DUS2: variants seen among roughly 807,000 people sequenced by gnomAD.
DUS2 encodes the protein dihydrouridine synthase 2, also known as tRNA-dihydrouridine(20) synthase [NAD(P)+]-like.
In DUS2, 52 loss-of-function variants were observed where a neutral mutation model predicts 71.3. The ratio of observed to expected loss-of-function variants is 0.73; its 90% CI spans 0.58 to 0.92. The LOEUF (loss-of-function observed/expected upper bound fraction) is 0.92, where lower values mean the gene tolerates loss of function less well. Ranked by LOEUF, DUS2 falls within the 40% of genes least tolerant of loss-of-function variation. The pLI is 0.00. For missense variants in DUS2, 558 were observed against 622.6 expected, an observed-to-expected ratio of 0.90 and a Z score of 1.10; for synonymous variants, 204 against 227.8, an observed-to-expected ratio of 0.90 and a Z score of 0.94.
chr16:68,070,214 T>C lies in DUS2; in HGVS notation c.635T>C (p.Ile212Thr), dbSNP rs1412520320. 6.2e-7 allele frequency: 1 copy of C among 1,614,004 alleles called. No homozygotes were observed. The highest frequency in any genetic ancestry group is 1.7e-5 in the Admixed American group (1 of 60,028). ...GCTGATACCCTCTCCATTCCTGTCA[T>C]AGCCAAGTAAGCCTCCTGTCTTCAT... is the stretch of plus-strand genomic sequence containing the variant. ...AIADTLSIPV[I>T]ANGGSHDHIQ... Residue 212 changes from isoleucine (I) to threonine (T), a missense_variant, in exon 11 of 17, where the codon ATA (isoleucine) becomes ACA (threonine). Transcript: ENST00000565263.
chr16:68,076,609 A>C (rs74024128), intron 14 of DUS2, 23 bp from the exon 15 acceptor site: 4 of 1,596,716 alleles, frequency 2.5e-6, no homozygotes, highest in Non-Finnish European at 3.4e-6. Context: ...GGTGACCCCA[A>C]CTGCTTCCCT....
At chr16:68,052,275 A>G (rs1430674552) in intron 4 of DUS2, among the ~76,000 whole-genome samples, 2 of 152,158 alleles carry the variant, frequency 1.3e-5, no homozygotes, top group Non-Finnish European at 2.9e-5. Context: ...GGCATGAAAT[A>G]TACCACAAAA....
rs1352757510 is a variant in DUS2, at chr16:68,035,905, TATATATATATATATATATATATATAC to T, written c.-18-2099_-18-2074del. Among the ~76,000 whole-genome samples, 67 of 54,802 alleles carry T rather than the reference TATATATATATATATATATATATATAC, an allele frequency of 1.2e-3. 1 individual carries two copies. Among genetic ancestry groups the T allele is most frequent in the African/African-American group, 2.0e-3 (46 of 22,484 alleles). The allele number at this position is 54,802 out of a possible 152,430, so 36.0% of individuals were successfully genotyped here. On this transcript the variant is annotated intron_variant, in intron 2 of 16. Coordinates refer to ENST00000565263, the MANE Select transcript of DUS2 (RefSeq NM_017803.5). Reference sequence around the variant, plus strand: ...AATTTTATATATATATATATATATATATATATATATATATATATATATATACACACATACATACACATATATATACA... The same window carrying T: ...AATTTTATATATATATATATATATATACACATACATACACATATATATACA...
At position 68,053,272 on chromosome 16, in the gene DUS2, T is replaced by A. The variant is rs534896697; in HGVS notation, c.173-292T>A. Among the ~76,000 whole-genome samples, 3 of 152,320 alleles carry A rather than the reference T, an allele frequency of 2.0e-5. No homozygotes were observed. The East Asian group carries it at 5.8e-4, about 29-fold the overall frequency. On this transcript the variant is annotated intron_variant, in intron 4 of 16. Coordinates refer to ENST00000565263, the MANE Select transcript of DUS2 (RefSeq NM_017803.5). ...CACCATACCCGGCCCGGTTTTAACA[T>A]TTTAAACGTTGCAAAATGTTAACCA...
chr16:68,028,964 T>G (rs1458371095), intron 2 of DUS2, among the ~76,000 whole-genome samples: 1 of 152,034 alleles, frequency 6.6e-6, no homozygotes, highest in Non-Finnish European at 1.5e-5. Flanking sequence ...CTTCAGAAGG[T>G]TAGGCAGGAG....
At position 68,026,059 on chromosome 16, in the gene DUS2, C is replaced by T. The variant is rs115852612; in HGVS notation, c.-19+565C>T. Among the ~76,000 whole-genome samples the T allele has an allele frequency of 6.9e-3, 1,055 of 152,262 alleles. 17 individuals are homozygous for T. Among genetic ancestry groups the T allele is most frequent in the African/African-American group, 0.024 (982 of 41,562 alleles). On this transcript the variant is annotated intron_variant, in intron 2 of 16. Transcript: ENST00000565263. ...AGGCTAGACTTCAGTGGTGCCATCT[C>T]GACTCACTGTAACCTCTGCCTCCCA...
At chr16:68,043,482 TG>T (rs1486147793) in intron 3 of DUS2, among the ~76,000 whole-genome samples, 1 of 151,844 alleles carries the variant, frequency 6.6e-6, no homozygotes, top group African/African-American at 2.4e-5. Flanking sequence ...GTTTTTTTGA[TG>T]GTAGCCATCC....
At chr16:68,025,551 TG>T (rs1332846105) in intron 2 of DUS2, 57 bp downstream of exon 2, 2 of 152,182 alleles carry the variant, frequency 1.3e-5, no homozygotes, top group Non-Finnish European at 2.9e-5. Context: ...GTAGGGTAGC[TG>T]GTTAATATAT....
chr16:68,044,236 T>A (rs1274336327), intron 3 of DUS2, among the ~76,000 whole-genome samples: 2 of 152,154 alleles, frequency 1.3e-5, no homozygotes, highest in African/African-American at 4.8e-5. Flanking sequence ...GCTATATGAA[T>A]TTTAGGATCA....
chr16:68,039,532 C>T (rs201700507), intron 3 of DUS2, among the ~76,000 whole-genome samples: 1 of 152,188 alleles, frequency 6.6e-6, no homozygotes, highest in Admixed American at 6.5e-5. Context: ...CATTCTTCTG[C>T]CTCAGCCTCC....
rs147235496 is a variant in DUS2 at position 68,049,539 on chromosome 16, G to A, written c.161G>A (p.Arg54Lys). 2.0e-4 allele frequency: 318 copies of A among 1,614,208 alleles called. No individual in the cohort carries two copies. The highest frequency in any genetic ancestry group is 1.1e-3 in the South Asian group (101 of 91,086). Reference protein sequence around the residue: ...LIDLKMIQCKRVVNEVLSTVD... With the variant: ...LIDLKMIQCKKVVNEVLSTVD... ...GACCTCAAGATGATTCAGTGCAAGA[G>A]AGTTGTTAATGGTGAGTACAGATCT... Residue 54 changes from arginine to lysine, a missense_variant, in exon 4 of 17, where the codon AGA (arginine) becomes AAA (lysine). Transcript: ENST00000565263.
intron 15 of DUS2, among the ~76,000 whole-genome samples, 188 bp downstream of exon 15, chr16:68,076,907 ATC>A (rs201793835): frequency 1.3e-4 from 18 of 143,550 alleles, no homozygotes; most frequent in Non-Finnish European, 2.4e-4. Flanking sequence ...TCAGCCAGAC[ATC>A]TCTCTTTTTT....
intron 3 of DUS2, among the ~76,000 whole-genome samples, chr16:68,043,321 G>C (rs1257955792): frequency 1.5e-4 from 23 of 152,028 alleles, no homozygotes; most frequent in Admixed American, 1.5e-3. Context: ...CAGGAGAATT[G>C]CTTGAACCCA....
At chr16:68,037,561 G>A (rs2033550085) in intron 2 of DUS2, among the ~76,000 whole-genome samples, 1 of 151,854 alleles carries the variant, frequency 6.6e-6, no homozygotes, top group African/African-American at 2.4e-5. Context: ...GGGATTACAG[G>A]TGCCCGCCAC....
intron 12 of DUS2, among the ~76,000 whole-genome samples, chr16:68,071,310 A>G (rs891088230): frequency 1.3e-5 from 2 of 152,186 alleles, no homozygotes; most frequent in Non-Finnish European, 2.9e-5. Flanking sequence ...GCTGGGGGGC[A>G]TACCCCTACC....
At chr16:68,052,390 C>T (rs1187316506) in intron 4 of DUS2, among the ~76,000 whole-genome samples, 1 of 152,230 alleles carries the variant, frequency 6.6e-6, no homozygotes, top group Non-Finnish European at 1.5e-5. Flanking sequence ...ACTTTCACCA[C>T]TCTGTTCCTG....
chr16:68,071,835 C>G (rs1438294612), intron 12 of DUS2, among the ~76,000 whole-genome samples: 1 of 152,090 alleles, frequency 6.6e-6, no homozygotes, highest in Non-Finnish European at 1.5e-5. Context: ...GATGAGGTCT[C>G]CCTATGTTGC....
At chr16:68,039,917 G>A (rs553093174) in intron 3 of DUS2, among the ~76,000 whole-genome samples, 66 of 152,102 alleles carry the variant, frequency 4.3e-4, no homozygotes, top group Non-Finnish European at 8.7e-4. Flanking sequence ...GGAGGTACAG[G>A]CAGGTAGCCT....
intron 3 of DUS2, among the ~76,000 whole-genome samples, chr16:68,044,396 CT>C (rs1001911267): frequency 0.013 from 1,720 of 135,470 alleles, 5 homozygotes; most frequent in African/African-American, 0.027. Context: ...TCTTTAATTT[CT>C]TTTTTTTTTT....
Sources: allele counts gnomAD v4.1 joint callset (sites outside exome capture counted in the v4.1 genomes callset), GRCh38; gene constraint gnomAD v4.1.1; transcripts MANE v1.5; gene names NCBI Gene and HGNC (gene_info 2026-07-23, HGNC 2026-07-21).